Variants in ADAMTS5 observed in about 807,000 individuals in gnomAD.
ADAMTS5 encodes the protein A disintegrin and metalloproteinase with thrombospondin motifs 5.
ADAMTS5 carries 54 observed loss-of-function variants against 81.4 expected under a neutral mutation model. That is an observed-to-expected ratio of 0.66 (90% CI 0.53 to 0.83). ADAMTS5 has a LOEUF of 0.83. Among genes scored for constraint, ADAMTS5 ranks in the 40% least tolerant of loss-of-function variants. The pLI is 0.00. For synonymous variants in ADAMTS5, 532 were observed against 508.8 expected (o/e 1.05, Z -0.61); for missense variants, 1,194 against 1,229.9 (o/e 0.97, Z 0.44).
chr21:26,947,057 G>A (rs776531654), intron 2 of ADAMTS5, among the ~76,000 whole-genome samples: 10 of 152,218 alleles, frequency 6.6e-5, no homozygotes, highest in Non-Finnish European at 1.0e-4. Context: ...TAAAGCAGAG[G>A]TAGTGAAGTC....
At chr21:26,939,832 C>G (rs552244024) in intron 3 of ADAMTS5, 1 of 152,320 alleles carries the variant, frequency 6.6e-6, no homozygotes, top group Admixed American at 6.5e-5. Flanking sequence ...GAGGATCATA[C>G]TCCTAGCCAG....
Position 26,923,997 on chromosome 21 carries a change from A to C in ADAMTS5, c.*56T>G. 1 of 1,505,592 alleles carries C rather than the reference A, an allele frequency of 6.6e-7. No individual in the cohort carries two copies. Among genetic ancestry groups the C allele is most frequent in the Non-Finnish European group, 8.9e-7 (1 of 1,117,394 alleles). 93.3% of individuals were successfully genotyped at this position (1,505,592 alleles called of 1,614,324 possible). ...TTAGGTAGACCTCCTGTTCACCACGACTGCATCAGTGCTGAATCCTCCAGT... is the reference window on the plus strand; with the variant it reads ...TTAGGTAGACCTCCTGTTCACCACGCCTGCATCAGTGCTGAATCCTCCAGT... On this transcript the variant is annotated 3_prime_UTR_variant, in exon 8 of 8. Transcript: ENST00000284987.
intron 5 of ADAMTS5, among the ~76,000 whole-genome samples, 155 bp downstream of exon 5, chr21:26,932,706 A>AAAAC (rs1036677477): frequency 4.0e-5 from 6 of 151,256 alleles, no homozygotes; most frequent in African/African-American, 1.2e-4. Context: ...ATCTCAAAAA[A>AAAAC]AAACAAACAC....
Position 26,932,840 on chromosome 21 carries a change from T to C in ADAMTS5, c.1873+21A>G, listed in dbSNP as rs199508967. 8 of 1,585,858 alleles carry C rather than the reference T, an allele frequency of 5.0e-6. No homozygotes were observed. The East Asian group carries it at 1.8e-4, about 36-fold the overall frequency. ...ATGACATGTAGCATATGATGGTTGCTGACACTTGGGAGCAGCGTACCATTG... is the reference window on the plus strand; with the variant it reads ...ATGACATGTAGCATATGATGGTTGCCGACACTTGGGAGCAGCGTACCATTG... On this transcript the variant is annotated intron_variant, in intron 5 of 7. Coordinates refer to ENST00000284987, the MANE Select transcript of ADAMTS5 (RefSeq NM_007038.5).
intron 3 of ADAMTS5, among the ~76,000 whole-genome samples, chr21:26,941,293 CT>C (rs1987109095): frequency 6.6e-6 from 1 of 151,896 alleles, no homozygotes; most frequent in South Asian, 2.1e-4. Flanking sequence ...AATTTAGATA[CT>C]TTTTTATTAG....
chr21:26,952,804 T>C (rs1008256939), intron 2 of ADAMTS5, among the ~76,000 whole-genome samples: 1 of 152,210 alleles, frequency 6.6e-6, no homozygotes, highest in Non-Finnish European at 1.5e-5. Flanking sequence ...ACCTTTCTTA[T>C]GGGACTCCTC....
intron 3 of ADAMTS5, among the ~76,000 whole-genome samples, chr21:26,937,327 A>G (rs879512619): frequency 1.3e-5 from 2 of 152,254 alleles, no homozygotes; most frequent in Non-Finnish European, 2.9e-5. Context: ...AATAAGATAT[A>G]TCAGCTCTAT....
chr21:26,951,070 A>G (rs1263783607), intron 2 of ADAMTS5, among the ~76,000 whole-genome samples: 1 of 152,178 alleles, frequency 6.6e-6, no homozygotes, highest in East Asian at 1.9e-4. Flanking sequence ...TATGTTGCCC[A>G]GGCTGTTAAT....
chr21:26,951,335 G>GTTTGCATAA (rs1293110145), intron 2 of ADAMTS5, among the ~76,000 whole-genome samples: 23 of 152,186 alleles, frequency 1.5e-4, no homozygotes, highest in Non-Finnish European at 2.8e-4. Context: ...CATTCACACT[G>GTTTGCATAA]TTTGCATAAA....
In ADAMTS5 at chr21:26,921,681, T is replaced by C. The variant is rs1986700590; in HGVS notation, c.*2372A>G. 1 of 152,456 alleles carries C rather than the reference T, an allele frequency of 6.6e-6. No homozygotes were observed. Among genetic ancestry groups the C allele is most frequent in the South Asian group, 2.1e-4 (1 of 4,824 alleles). The allele number at this position is 152,456 out of a possible 1,614,324, so 9.4% of individuals were successfully genotyped here. A position where few individuals can be genotyped will look rare whatever the true frequency, so the allele number is the denominator to read the frequency against. On this transcript the variant is annotated 3_prime_UTR_variant, in exon 8 of 8. Coordinates refer to ENST00000284987, the MANE Select transcript of ADAMTS5 (RefSeq NM_007038.5). Reference sequence around the variant, plus strand: ...ATCATCTTCTCCAGGAATTTAGACATACATTCCTCAGTCAATCTAGTGAGA... The same window carrying C: ...ATCATCTTCTCCAGGAATTTAGACACACATTCCTCAGTCAATCTAGTGAGA...
Position 26,966,227 on chromosome 21 carries a change from G to T in ADAMTS5, c.165C>A (p.Ala55=). Residue 55 remains alanine, a synonymous_variant, in exon 1 of 8, where the codon GCC becomes GCA. Transcript: ENST00000284987. The stretch of plus-strand genomic sequence containing the variant: ...GGGGGTGCGGGTGGCCGGGAGGCTC[G>T]GCTCGCTCCTGCACCTCCTCCCCCT... ...RRQGEEVQER[A]EPPGHPHPLA... is the part of the protein sequence containing the mutation. 6.2e-7 allele frequency: 1 copy of T among 1,600,654 alleles called. No homozygotes were observed.
In ADAMTS5 at chr21:26,920,714, A is replaced by G. The variant is rs1296125617; in HGVS notation, c.*3339T>C. On this transcript the variant is annotated 3_prime_UTR_variant, in exon 8 of 8. Coordinates refer to ENST00000284987, the MANE Select transcript of ADAMTS5 (RefSeq NM_007038.5). ...AGCTTCTAGGCTATTTGTGTACCCA[A>G]ATTTAAAACTTGCACCTTGTTTCAT... is the stretch of plus-strand genomic sequence containing the variant. 2 of 152,048 alleles carry G rather than the reference A, an allele frequency of 1.3e-5. No homozygotes were observed. Among genetic ancestry groups the G allele is most frequent in the Non-Finnish European group, 2.9e-5 (2 of 67,972 alleles). 9.4% of individuals were successfully genotyped at this position (152,048 alleles called of 1,614,324 possible). A position where few individuals can be genotyped will look rare whatever the true frequency, so the allele number is the denominator to read the frequency against.
intron 1 of ADAMTS5, among the ~76,000 whole-genome samples, chr21:26,964,322 C>T (rs1987592000): frequency 6.6e-6 from 1 of 152,152 alleles, no homozygotes; most frequent in Non-Finnish European, 1.5e-5. Context: ...GTCACACTAA[C>T]GTAGTGGTCA....
At chr21:26,959,364 A>G (rs1987483845) in intron 1 of ADAMTS5, among the ~76,000 whole-genome samples, 1 of 152,188 alleles carries the variant, frequency 6.6e-6, no homozygotes, top group South Asian at 2.1e-4. Context: ...GATATTAACT[A>G]AAAGCATTCC....
chr21:26,918,480 G>A lies in ADAMTS5; in HGVS notation c.*5573C>T, dbSNP rs1302241205. 1.3e-5 allele frequency: 2 copies of A among 151,950 alleles called. No individual in the cohort carries two copies. The highest frequency in any genetic ancestry group is 1.3e-4 in the Admixed American group (2 of 15,240). 9.4% of individuals were successfully genotyped at this position (151,950 alleles called of 1,614,324 possible). On this transcript the variant is annotated 3_prime_UTR_variant, in exon 8 of 8. Transcript: ENST00000284987. ...TTCAGTCTATTTAGTTATCTGCAAA[G>A]TCTATTTACAAAGCATATGTATGAT... is the stretch of plus-strand genomic sequence containing the variant.
chr21:26,956,703 ATTTATC>A (rs1055838833), intron 1 of ADAMTS5, among the ~76,000 whole-genome samples: 1 of 152,080 alleles, frequency 6.6e-6, no homozygotes, highest in Non-Finnish European at 1.5e-5. Context: ...AATTTGGGGT[ATTTATC>A]TTTAAATAAT....
At chr21:26,959,053 G>A (rs1987478777) in intron 1 of ADAMTS5, among the ~76,000 whole-genome samples, 1 of 152,154 alleles carries the variant, frequency 6.6e-6, no homozygotes, top group Admixed American at 6.5e-5. Context: ...AAGAGAGTCT[G>A]GGCCCAGAGT....
rs984801989 is a variant in ADAMTS5 at position 26,918,589 on chromosome 21, G to A, written c.*5464C>T. The stretch of plus-strand genomic sequence containing the variant: ...AGCAAGATGAGCCATCAAGGTTTAC[G>A]TTGTGCCTGAGTGTATAATGCAAAA... On this transcript the variant is annotated 3_prime_UTR_variant, in exon 8 of 8. Coordinates refer to ENST00000284987, the MANE Select transcript of ADAMTS5 (RefSeq NM_007038.5). The A allele has an allele frequency of 6.6e-6, 1 of 151,924 alleles. No individual in the cohort carries two copies. The highest frequency in any genetic ancestry group is 1.9e-4 in the East Asian group (1 of 5,188). The allele number at this position is 151,924 out of a possible 1,614,324, so 9.4% of individuals were successfully genotyped here.
chr21:26,933,742 C>T (rs1345447333), intron 4 of ADAMTS5, among the ~76,000 whole-genome samples: 1 of 152,206 alleles, frequency 6.6e-6, no homozygotes, highest in Non-Finnish European at 1.5e-5. Context: ...TGATCAGCTG[C>T]TTTGCTGAGG....
Sources: allele counts gnomAD v4.1 joint callset (sites outside exome capture counted in the v4.1 genomes callset), GRCh38; gene constraint gnomAD v4.1.1; transcripts MANE v1.5; gene names NCBI Gene and HGNC (gene_info 2026-07-23, HGNC 2026-07-21).